The following ARMC9 variants were observed in gnomAD, a reference collection of about 807,000 sequenced individuals.
ARMC9 encodes lisH domain-containing protein ARMC9.
In ARMC9, 94 loss-of-function variants were observed where a neutral mutation model predicts 107.0. That is an observed-to-expected ratio of 0.88 (90% CI 0.74 to 1.04). The LOEUF is 1.04. ARMC9 is among the 50% of genes least tolerant of loss of function. The probability of loss-of-function intolerance (pLI) is 0.00; values close to 1 mark genes in which losing one functional copy is unlikely to be tolerated. For synonymous variants in ARMC9, 380 were observed against 396.9 expected, an observed-to-expected ratio of 0.96 and a Z score of 0.51; for missense variants, 942 against 1,030.1, an observed-to-expected ratio of 0.91 and a Z score of 1.17.
intron 13 of ARMC9, among the ~76,000 whole-genome samples, chr2:231,272,288 T>C (rs924642547): frequency 1.4e-5 from 2 of 145,578 alleles, no homozygotes; most frequent in Non-Finnish European, 3.0e-5. Flanking sequence ...CCACCTGGGC[T>C]CAAGGAATAC....
rs1483451553 is a variant in ARMC9, at chr2:231,360,739, T to A, written c.2132-15T>A. ...CAGAGCAGATGTGGACTGAACTTTC[T>A]CTCCTCCTCCCCAGCAGCCATCATC... On this transcript the variant is annotated splice_polypyrimidine_tract_variant and intron_variant, in intron 22 of 24. Coordinates refer to ENST00000611582, the MANE Select transcript of ARMC9 (RefSeq NM_001352754.2). This position sits in a 1 kb window ranked among gnomAD's most constrained non-coding sequence, Gnocchi z 4.7. 1 of 1,535,904 alleles carries A rather than the reference T, an allele frequency of 6.5e-7. No individual in the cohort carries two copies. Among genetic ancestry groups the A allele is most frequent in the Admixed American group, 2.0e-5 (1 of 50,972 alleles).
At chr2:231,356,018 G>T (rs1205977184) in intron 22 of ARMC9, 84 bp downstream of exon 22, 2 of 1,448,346 alleles carry the variant, frequency 1.4e-6, no homozygotes, top group Admixed American at 4.5e-5. Flanking sequence ...AGTGGCAGAC[G>T]CACGTCTGCT....
chr2:231,328,738 C>G (rs952441116), intron 19 of ARMC9, among the ~76,000 whole-genome samples: 1 of 143,262 alleles, frequency 7.0e-6, no homozygotes, highest in African/African-American at 2.5e-5. Flanking sequence ...AGCTTGAAAT[C>G]ATGTAGATTG....
chr2:231,325,650 T>C (rs1473508397), intron 19 of ARMC9, among the ~76,000 whole-genome samples: 1 of 152,170 alleles, frequency 6.6e-6, no homozygotes, highest in Non-Finnish European at 1.5e-5. Context: ...CAAGGAGTAC[T>C]CATTTTCCTA....
intron 20 of ARMC9, among the ~76,000 whole-genome samples, chr2:231,335,766 T>A (rs773731249): frequency 4.6e-5 from 7 of 152,192 alleles, no homozygotes; most frequent in Non-Finnish European, 8.8e-5. Context: ...GTACCGTGCA[T>A]ACCGTGCTGA....
Position 231,221,507 on chromosome 2 carries a change from C to T in ARMC9, c.505-1221C>T, listed in dbSNP as rs1008742192. The stretch of plus-strand genomic sequence containing the variant: ...TATAAACAAAGTTATCATGCAGTAT[C>T]AGGGAATTACACAATTTTTTAAAAA... On this transcript the variant is annotated intron_variant, in intron 5 of 24. Coordinates refer to ENST00000611582, the MANE Select transcript of ARMC9 (RefSeq NM_001352754.2). Among the ~76,000 whole-genome samples, 121 of 152,106 alleles carry T rather than the reference C, an allele frequency of 8.0e-4. 2 individuals are homozygous for T. Among genetic ancestry groups the T allele is most frequent in the African/African-American group, 2.8e-3 (117 of 41,498 alleles).
At chr2:231,216,127 G>A (rs1405144916) in intron 4 of ARMC9, among the ~76,000 whole-genome samples, 2 of 152,182 alleles carry the variant, frequency 1.3e-5, no homozygotes. Flanking sequence ...GACACAGAGC[G>A]AGCCCAGGCC....
chr2:231,237,538 GC>G (rs1388487213), intron 8 of ARMC9, among the ~76,000 whole-genome samples: 1 of 151,610 alleles, frequency 6.6e-6, no homozygotes, highest in Non-Finnish European at 1.5e-5. Flanking sequence ...GATAGAGGTT[GC>G]TAAATTATTC....
chr2:231,230,921 G>A (rs1351099018), intron 7 of ARMC9, among the ~76,000 whole-genome samples: 1 of 152,212 alleles, frequency 6.6e-6, no homozygotes, highest in African/African-American at 2.4e-5. Flanking sequence ...GATATGGAGT[G>A]CTGACTGTAT....
intron 20 of ARMC9, among the ~76,000 whole-genome samples, chr2:231,333,110 C>T (rs2043853972): frequency 1.3e-5 from 2 of 152,196 alleles, no homozygotes; most frequent in South Asian, 4.1e-4. Flanking sequence ...GCCCCCTGGT[C>T]ACCTGGCCCT....
At chr2:231,264,655 G>A (rs1487930080) in intron 12 of ARMC9, among the ~76,000 whole-genome samples, 6 of 151,740 alleles carry the variant, frequency 4.0e-5, no homozygotes, top group East Asian at 2.0e-4. Context: ...GCGCCATCAC[G>A]CCCAGCTAAT....
At position 231,278,237 on chromosome 2, in the gene ARMC9, A is replaced by G. The variant is rs907603772; in HGVS notation, c.1475-145A>G. On this transcript the variant is annotated intron_variant, in intron 15 of 24. Coordinates refer to ENST00000611582, the MANE Select transcript of ARMC9 (RefSeq NM_001352754.2). ...GGAAACTGAGGCCCAGATTGGTTAC[A>G]TGACTCACCCGAGGTCATACAGCTC... 38 of 728,070 alleles carry G rather than the reference A, an allele frequency of 5.2e-5. 1 individual carries two copies. In the South Asian group the frequency reaches 6.0e-4, roughly 11 times the overall value. 45.1% of individuals were successfully genotyped at this position (728,070 alleles called of 1,614,324 possible). A position where few individuals can be genotyped will look rare whatever the true frequency, so the allele number is the denominator to read the frequency against.
chr2:231,359,434 T>G (rs1203052386), intron 22 of ARMC9, among the ~76,000 whole-genome samples: 2 of 152,074 alleles, frequency 1.3e-5, no homozygotes, highest in East Asian at 3.9e-4. Context: ...GTGTGGCCTG[T>G]GCTGGAGGAA....
At chr2:231,348,253 AG>A (rs1317076548) in intron 21 of ARMC9, among the ~76,000 whole-genome samples, 1 of 152,230 alleles carries the variant, frequency 6.6e-6, no homozygotes, top group African/African-American at 2.4e-5. Flanking sequence ...AAACAAAAGG[AG>A]GTGTGACAAC....
rs937121607 is a variant in ARMC9, at chr2:231,338,903, C to T, written c.1879-6072C>T. Among the ~76,000 whole-genome samples the T allele has an allele frequency of 2.6e-5, 4 of 151,254 alleles. No individual in the cohort carries two copies. In the South Asian group the frequency reaches 6.3e-4, roughly 24 times the overall value. On this transcript the variant is annotated intron_variant, in intron 20 of 24. Transcript: ENST00000611582. ...TGAAGATGTTTTTAATGTTTTCTAC[C>T]GAGAAAGAAAAAAAGATTAGCCTTT...
At chr2:231,306,454 A>G (rs373411074) in intron 19 of ARMC9, among the ~76,000 whole-genome samples, 5 of 152,326 alleles carry the variant, frequency 3.3e-5, no homozygotes, top group African/African-American at 1.2e-4. Context: ...GCTAATTGGT[A>G]GAGTTAGAAC....
Position 231,258,971 on chromosome 2 carries a change from G to A in ARMC9, c.915-20G>A. The stretch of plus-strand genomic sequence containing the variant: ...CCCTTTTGCCCTTTTCTTTCTCTTT[G>A]AACTTGTGTTGCTGAGTAGGAAATT... On this transcript the variant is annotated intron_variant, in intron 10 of 24. Transcript: ENST00000611582. The A allele has an allele frequency of 6.3e-7, 1 of 1,591,470 alleles. No homozygotes were observed. Among genetic ancestry groups the A allele is most frequent in the Non-Finnish European group, 8.6e-7 (1 of 1,159,784 alleles).
chr2:231,253,612 T>C (rs2037499674), intron 9 of ARMC9, among the ~76,000 whole-genome samples: 1 of 152,174 alleles, frequency 6.6e-6, no homozygotes. Flanking sequence ...TGCAGGCATG[T>C]CCGCTGGGGA....
intron 20 of ARMC9, among the ~76,000 whole-genome samples, chr2:231,342,244 A>G (rs190030549): frequency 6.6e-6 from 1 of 152,372 alleles, no homozygotes; most frequent in Admixed American, 6.5e-5. Flanking sequence ...GCATTTTTGC[A>G]ACAGACCAGG....
Sources: gnomAD v4.1 joint callset for allele counts (sites outside exome capture counted in the v4.1 genomes callset) on GRCh38, gnomAD v4.1.1 for gene constraint, Gnocchi (gnomAD v3.1) non-coding constraint, MANE v1.5 for transcripts, NCBI Gene and HGNC (gene_info 2026-07-23, HGNC 2026-07-21) for gene names.